The following TUBB8 variants were observed in gnomAD, a reference collection of about 807,000 sequenced individuals.
TUBB8 encodes the protein tubulin beta 8 class VIII.
A neutral mutation model predicts 33.7 loss-of-function variants in TUBB8; 25 were observed. The ratio of observed to expected loss-of-function variants is 0.74; its 90% CI spans 0.54 to 1.04. TUBB8 has a LOEUF of 1.04. Among genes scored for constraint, TUBB8 ranks in the 50% least tolerant of loss-of-function variants. The probability of loss-of-function intolerance (pLI) is 0.00; values close to 1 mark genes in which losing one functional copy is unlikely to be tolerated. For missense variants in TUBB8, 279 were observed against 608.0 expected (o/e 0.46, Z 5.69); for synonymous variants, 245 against 240.1 (o/e 1.02, Z -0.19).
rs192760410 is a variant in TUBB8 at position 72,472 on chromosome 10, T to C, written c.-846+1497A>G. On this transcript the variant is annotated intron_variant, in intron 1 of 3. Coordinates refer to the TUBB8 transcript ENST00000564130. ...ACTCAGGAGGCTGATGCAGGAGAAG[T>C]GCTTGAACCCAGGAGGTGGAGGTTG... 2.2e-4 allele frequency among the ~76,000 whole-genome samples: 33 copies of C among 151,934 alleles called. No homozygotes were observed. The East Asian group carries it at 4.1e-3, about 19-fold the overall frequency.
intron 1 of TUBB8, among the ~76,000 whole-genome samples, chr10:54,870 G>A (rs1554739983): frequency 6.6e-6 from 1 of 152,152 alleles, no homozygotes; most frequent in African/African-American, 2.4e-5. Context: ...GCAATTCTCT[G>A]CCTCAGCCTC....
intron 1 of TUBB8, among the ~76,000 whole-genome samples, chr10:58,054 C>T (rs1554740424): frequency 6.6e-6 from 1 of 152,236 alleles, no homozygotes; most frequent in East Asian, 1.9e-4. Context: ...GGTGCTTAGA[C>T]ATTTTTCCAA....
chr10:65,072 C>A (rs59390829), intron 1 of TUBB8, among the ~76,000 whole-genome samples: 13,501 of 145,732 alleles, frequency 0.093, no homozygotes, highest in African/African-American at 0.18. Context: ...CATTTGAACC[C>A]AGGAGTTGGA....
At chr10:49,732 G>A (rs1834441976), upstream of TUBB8, 5 of 376,126 alleles carry the variant, frequency 1.3e-5, no homozygotes, top group South Asian at 1.0e-4. Context: ...GTTTTACTTT[G>A]GAGCAGTTCT....
At position 70,284 on chromosome 10, in the gene TUBB8, AT is replaced by A. The variant is rs1266076128; in HGVS notation, c.-846+3684del. Among the ~76,000 whole-genome samples, 296 of 144,944 alleles carry A rather than the reference AT, an allele frequency of 2.0e-3. 5 individuals carry two copies. In the East Asian group the frequency reaches 0.037, roughly 18 times the overall value. On this transcript the variant is annotated intron_variant, in intron 1 of 3. Coordinates refer to the TUBB8 transcript ENST00000564130. ...TGTTTTGTTTTGTTTTTGTTTTTTT[AT>A]TTTTTTTATTATTATACTTTAAGTT... is the stretch of plus-strand genomic sequence containing the variant.
At chr10:62,781 T>G (rs1177133186) in intron 1 of TUBB8, among the ~76,000 whole-genome samples, 1 of 152,222 alleles carries the variant, frequency 6.6e-6, no homozygotes, top group African/African-American at 2.4e-5. Context: ...GTAAAAGTCT[T>G]TTTTTTCTTC....
At chr10:76,108 C>T (rs1278662700), upstream of TUBB8, among the ~76,000 whole-genome samples, 1 of 143,590 alleles carries the variant, frequency 7.0e-6, no homozygotes, top group Non-Finnish European at 1.5e-5. Context: ...CATTGCACTC[C>T]AGCCTGGGAA....
At chr10:51,921 G>A (rs553522031), upstream of TUBB8, among the ~76,000 whole-genome samples, 1 of 152,308 alleles carries the variant, frequency 6.6e-6, no homozygotes, top group African/African-American at 2.4e-5. Context: ...AAACTGTTTG[G>A]GGCCTCTTTC....
chr10:59,829 T>C (rs1431556829), intron 1 of TUBB8, among the ~76,000 whole-genome samples: 1 of 152,354 alleles, frequency 6.6e-6, no homozygotes, highest in South Asian at 2.1e-4. Flanking sequence ...TCTGTTCAGG[T>C]TTTGGATTTT....
intron 1 of TUBB8, among the ~76,000 whole-genome samples, chr10:68,633 A>G (rs1480657139): frequency 6.6e-6 from 1 of 152,214 alleles, no homozygotes; most frequent in Non-Finnish European, 1.5e-5. Flanking sequence ...ACTTCTAGGA[A>G]TCTTGCAATA....
chr10:63,082 A>AT (rs34751761), intron 1 of TUBB8, among the ~76,000 whole-genome samples: 78,725 of 146,588 alleles, frequency 0.54, 23,087 homozygotes, highest in Middle Eastern at 0.71. Context: ...TAAATGTTTA[A>AT]TTTTTTTTTT....
intron 1 of TUBB8, among the ~76,000 whole-genome samples, chr10:69,562 T>G (rs1490368099): frequency 6.6e-6 from 1 of 152,052 alleles, no homozygotes; most frequent in East Asian, 1.9e-4. Flanking sequence ...ATGAGATAAT[T>G]AGGAAAGAAA....
chr10:71,382 C>T (rs1554742296), intron 1 of TUBB8, among the ~76,000 whole-genome samples: 2 of 152,160 alleles, frequency 1.3e-5, no homozygotes, highest in Non-Finnish European at 2.9e-5. Context: ...CCTGTAATCC[C>T]CAGCACTTTG....
chr10:50,867 G>A (rs1834458916), upstream of TUBB8, among the ~76,000 whole-genome samples: 1 of 152,184 alleles, frequency 6.6e-6, no homozygotes, highest in African/African-American at 2.4e-5. Context: ...TTTTCCTGAT[G>A]CATAAAACAA....
rs200383031 is a variant in TUBB8, at chr10:47,729, G to A, written c.663C>T (p.Thr221=). The A allele has an allele frequency of 6.2e-7, 1 of 1,613,010 alleles. No individual in the cohort carries two copies. The highest frequency in any genetic ancestry group is 1.3e-5 in the African/African-American group (1 of 74,932). Residue 221 remains threonine, a synonymous_variant, in exon 4 of 4, where the codon ACC becomes ACT. Coordinates refer to ENST00000568584, the MANE Select transcript of TUBB8 (RefSeq NM_177987.3). The part of the protein sequence containing the change: ...CSKTLKLPTP[T]YGDLNHLVSA... ...ACACCAGGTGGTTCAGGTCACCATA[G>A]GTGGGTGTGGGCAGTTTTAGGGTCT...
At chr10:73,487 T>C (rs1390861054) in intron 1 of TUBB8, among the ~76,000 whole-genome samples, 8 of 152,124 alleles carry the variant, frequency 5.3e-5, no homozygotes, top group Non-Finnish European at 1.2e-4. Flanking sequence ...CTACTAAAAA[T>C]ACAAAATTAG....
intron 1 of TUBB8, among the ~76,000 whole-genome samples, chr10:64,928 G>GTGGATC (rs1834649822): frequency 6.9e-6 from 1 of 145,256 alleles, no homozygotes; most frequent in Admixed American, 7.1e-5. Flanking sequence ...CTTGAGGCCA[G>GTGGATC]AAGCTTGAGA....
At chr10:53,944 G>C (rs1282788924), upstream of TUBB8, among the ~76,000 whole-genome samples, 2 of 152,150 alleles carry the variant, frequency 1.3e-5, no homozygotes, top group Non-Finnish European at 2.9e-5. Context: ...TATATTTATG[G>C]GGGTACATGA....
chr10:58,391 T>G (rs568689399), intron 1 of TUBB8, among the ~76,000 whole-genome samples: 1 of 152,250 alleles, frequency 6.6e-6, no homozygotes, highest in Non-Finnish European at 1.5e-5. Context: ...ATAACAATTT[T>G]CCACTCCTTT....
Sources: gnomAD v4.1 joint callset for allele counts (sites outside exome capture counted in the v4.1 genomes callset) on GRCh38, gnomAD v4.1.1 for gene constraint, MANE v1.5 for transcripts, NCBI Gene and HGNC (gene_info 2026-07-23, HGNC 2026-07-21) for gene names.